Variants in ERC2 observed in about 807,000 individuals in gnomAD.
ERC2 encodes the protein ERC protein 2.
Under a neutral mutation model 114.8 loss-of-function variants are expected in ERC2, and 42 were observed. The ratio of observed to expected loss-of-function variants is 0.37; its 90% CI spans 0.29 to 0.47. The LOEUF is 0.47. Ranked by LOEUF, ERC2 falls within the 20% of genes least tolerant of loss-of-function variation. The probability of loss-of-function intolerance (pLI) is 0.99; values close to 1 mark genes in which losing one functional copy is unlikely to be tolerated. For missense variants in ERC2, 939 were observed against 1,150.7 expected, an observed-to-expected ratio of 0.82 and a Z score of 2.66; for synonymous variants, 454 against 425.5, an observed-to-expected ratio of 1.07 and a Z score of -0.82.
At chr3:56,218,213 T>C (rs528699364) in intron 3 of ERC2, among the ~76,000 whole-genome samples, 13 of 152,156 alleles carry the variant, frequency 8.5e-5, no homozygotes, top group Non-Finnish European at 1.8e-4. Flanking sequence ...ACCTACAGAA[T>C]GGGAGAAAAT....
chr3:56,312,600 CTATG>C (rs2056644498), intron 2 of ERC2, among the ~76,000 whole-genome samples: 1 of 151,960 alleles, frequency 6.6e-6, no homozygotes, highest in South Asian at 2.1e-4. Context: ...ATGTTAAATG[CTATG>C]TATCAATTTA....
intron 3 of ERC2, among the ~76,000 whole-genome samples, chr3:56,271,814 A>G (rs111830187): frequency 6.6e-6 from 1 of 152,020 alleles, no homozygotes; most frequent in African/African-American, 2.4e-5. Context: ...TTTGTGTCCA[A>G]GTGTACTCAG....
intron 17 of ERC2, among the ~76,000 whole-genome samples, chr3:55,535,345 A>G (rs938015942): frequency 2.0e-5 from 3 of 152,186 alleles, no homozygotes; most frequent in African/African-American, 7.2e-5. Context: ...CTGCCTTCCA[A>G]ATTCAACTAA....
At chr3:56,461,263 T>C (rs766478674) in intron 1 of ERC2, among the ~76,000 whole-genome samples, 2 of 152,122 alleles carry the variant, frequency 1.3e-5, no homozygotes, top group East Asian at 1.9e-4. Context: ...TGCTCAAAGA[T>C]GGTGTATCAG....
At position 56,032,885 on chromosome 3, in the gene ERC2, A is replaced by AAGAAAGAAAGAAAGAAAGAAAGAAAGAG. The variant is rs1553781723; in HGVS notation, c.1642-13855_1642-13854insCTCTTTCTTTCTTTCTTTCTTTCTTTCT. ...AAAGAAAGAAAGAAAGAAAGAAAGA[A>AAGAAAGAAAGAAAGAAAGAAAGAAAGAG]AGAGAGAGAGAGAGACAGAAAGAAA... On this transcript the variant is annotated intron_variant, in intron 7 of 17. Coordinates refer to ENST00000288221, the MANE Select transcript of ERC2 (RefSeq NM_015576.3). 7.6e-5 allele frequency among the ~76,000 whole-genome samples: 6 copies of AAGAAAGAAAGAAAGAAAGAAAGAAAGAG among 79,172 alleles called. 1 individual carries two copies. The South Asian group carries it at 1.3e-3, about 17-fold the overall frequency. The allele number at this position is 79,172 out of a possible 152,430, so 51.9% of individuals were successfully genotyped here.
intron 14 of ERC2, among the ~76,000 whole-genome samples, chr3:55,838,425 T>C (rs1025935545): frequency 6.6e-6 from 1 of 151,970 alleles, no homozygotes; most frequent in Non-Finnish European, 1.5e-5. Flanking sequence ...TCCCCAAATA[T>C]TTGAAAATTA....
intron 15 of ERC2, among the ~76,000 whole-genome samples, chr3:55,717,084 T>G (rs1365545218): frequency 1.3e-5 from 2 of 152,160 alleles, no homozygotes; most frequent in African/African-American, 4.8e-5. Context: ...AAAAGCTTGC[T>G]GGGCGATGTT....
intron 3 of ERC2, among the ~76,000 whole-genome samples, chr3:56,230,813 A>G (rs550944383): frequency 6.6e-6 from 1 of 152,318 alleles, no homozygotes; most frequent in South Asian, 2.1e-4. Flanking sequence ...AACAGTATAA[A>G]TGGCATTCAC....
intron 17 of ERC2, among the ~76,000 whole-genome samples, chr3:55,678,560 C>T (rs772738519): frequency 2.3e-4 from 35 of 152,258 alleles, no homozygotes; most frequent in Admixed American, 1.1e-3. Context: ...TTGCAATCTC[C>T]TTTTCTTCAA....
intron 17 of ERC2, among the ~76,000 whole-genome samples, chr3:55,666,183 G>T (rs1012466799): frequency 6.6e-6 from 1 of 152,150 alleles, no homozygotes; most frequent in Non-Finnish European, 1.5e-5. Context: ...GTGGAGCGGG[G>T]ATTTGAATCA....
intron 7 of ERC2, among the ~76,000 whole-genome samples, chr3:56,046,118 A>G (rs1438951490): frequency 6.6e-6 from 1 of 152,084 alleles, no homozygotes; most frequent in African/African-American, 2.4e-5. Flanking sequence ...AGTCCCATGA[A>G]CCAGAGCTCT....
At position 55,598,206 on chromosome 3, in the gene ERC2, G is replaced by A. The variant is rs553437333; in HGVS notation, c.*39+85588C>T. Among the ~76,000 whole-genome samples the A allele has an allele frequency of 2.6e-5, 4 of 152,314 alleles. No homozygotes were observed. In the South Asian group the frequency reaches 8.3e-4, roughly 32 times the overall value. On this transcript the variant is annotated intron_variant, in intron 17 of 17. Coordinates refer to ENST00000288221, the MANE Select transcript of ERC2 (RefSeq NM_015576.3). Reference sequence around the variant, plus strand: ...AGCTTTTGCCAAATCTATTAAAATTGACTCAAATTATCATTTCTTATAATA... The same window carrying A: ...AGCTTTTGCCAAATCTATTAAAATTAACTCAAATTATCATTTCTTATAATA...
At chr3:56,154,857 T>C (rs758298101) in intron 4 of ERC2, among the ~76,000 whole-genome samples, 7 of 152,210 alleles carry the variant, frequency 4.6e-5, no homozygotes, top group Non-Finnish European at 8.8e-5. Flanking sequence ...GTTGTCATTA[T>C]TATCATAAGC....
At chr3:56,249,339 T>TA (rs2051949538) in intron 3 of ERC2, among the ~76,000 whole-genome samples, 2 of 152,182 alleles carry the variant, frequency 1.3e-5, no homozygotes, top group African/African-American at 4.8e-5. Flanking sequence ...TCACCTTTTT[T>TA]TTTTGAGACA....
intron 3 of ERC2, among the ~76,000 whole-genome samples, chr3:56,291,963 T>C (rs1302999184): frequency 6.6e-6 from 1 of 152,210 alleles, no homozygotes; most frequent in Admixed American, 6.5e-5. Flanking sequence ...AACAACCATT[T>C]GTATATTATT....
Position 55,888,449 on chromosome 3 carries a change from G to C in ERC2, c.2504C>G (p.Ala835Gly). 1 of 1,613,848 alleles carries C rather than the reference G, an allele frequency of 6.2e-7. No homozygotes were observed. The highest frequency in any genetic ancestry group is 8.5e-7 in the Non-Finnish European group (1 of 1,179,842). ...STQQSLAEKE[A>G]HLANLRIERR... The stretch of plus-strand genomic sequence containing the variant: ...CTCAATCCGGAGGTTGGCCAAGTGC[G>C]CTTCTTTTTCGGCCAGGGACTGTTG... The change falls in exon 14 of 18, where the codon GCG becomes GGG. Residue 835 changes from alanine (A) to glycine (G), a missense_variant. Physicochemically the swap from Ala to Gly is moderately conservative, Grantham distance 60. Coordinates refer to ENST00000288221, the MANE Select transcript of ERC2 (RefSeq NM_015576.3).
Position 56,061,792 on chromosome 3 carries a change from A to T in ERC2, c.1641+19025T>A, listed in dbSNP as rs1237573555. Among the ~76,000 whole-genome samples the T allele has an allele frequency of 1.3e-5, 2 of 152,238 alleles. 1 individual carries two copies. Among genetic ancestry groups the T allele is most frequent in the African/African-American group, 4.8e-5 (2 of 41,466 alleles). On this transcript the variant is annotated intron_variant, in intron 7 of 17. Coordinates refer to ENST00000288221, the MANE Select transcript of ERC2 (RefSeq NM_015576.3). ...AATCTAAGTTAAAGTTACTGTAAAC[A>T]GAAGAAATACATAAATTACCTTGGG...
intron 13 of ERC2, among the ~76,000 whole-genome samples, chr3:55,929,096 A>G (rs2065920411): frequency 6.6e-6 from 1 of 152,128 alleles, no homozygotes; most frequent in African/African-American, 2.4e-5. Flanking sequence ...CCTCTTCCTC[A>G]GCCAGTAGAG....
intron 10 of ERC2, among the ~76,000 whole-genome samples, chr3:55,994,878 T>C (rs1400461050): frequency 6.6e-6 from 1 of 152,106 alleles, no homozygotes; most frequent in South Asian, 2.1e-4. Context: ...ACAGAAAGCC[T>C]AGGAAAAAAA....
Sources: gnomAD v4.1 joint callset for allele counts (sites outside exome capture counted in the v4.1 genomes callset) on GRCh38, gnomAD v4.1.1 for gene constraint, MANE v1.5 for transcripts, NCBI Gene and HGNC (gene_info 2026-07-23, HGNC 2026-07-21) for gene names.